Variants in DOCK5 observed in about 807,000 individuals in gnomAD.
The protein encoded by DOCK5 is dedicator of cytokinesis 5.
A neutral mutation model predicts 251.8 loss-of-function variants in DOCK5; 142 were observed. The ratio of observed to expected loss-of-function variants is 0.56; its 90% CI spans 0.49 to 0.65. The LOEUF (loss-of-function observed/expected upper bound fraction) is 0.65, where lower values mean the gene tolerates loss of function less well. DOCK5 is among the 30% of genes least tolerant of loss of function. The probability of loss-of-function intolerance (pLI) is 0.00; values close to 1 mark genes in which losing one functional copy is unlikely to be tolerated. For synonymous variants in DOCK5, 842 were observed against 835.5 expected (o/e 1.01, Z -0.13); for missense variants, 2,111 against 2,312.3 (o/e 0.91, Z 1.79).
At position 25,194,895 on chromosome 8, in the gene DOCK5, C is replaced by T. The variant is rs144880718; in HGVS notation, c.43+9944C>T. On this transcript the variant is annotated intron_variant, in intron 1 of 51. Coordinates refer to ENST00000276440, the MANE Select transcript of DOCK5 (RefSeq NM_024940.8). ...CCATTTCAATGCAAGCCTGCATTAG[C>T]GTCTGCAGGGCTACTGCAACGGTAT... is the stretch of plus-strand genomic sequence containing the variant. Among the ~76,000 whole-genome samples, 74 of 150,192 alleles carry T rather than the reference C, an allele frequency of 4.9e-4. 1 individual carries two copies. In the East Asian group the frequency reaches 0.012, roughly 25 times the overall value.
chr8:25,349,140 C>T (rs910053255), intron 26 of DOCK5, among the ~76,000 whole-genome samples: 5 of 152,014 alleles, frequency 3.3e-5, no homozygotes, highest in African/African-American at 1.2e-4. Context: ...AGGGTGGACC[C>T]CAGGTACTTG....
At chr8:25,399,386 G>A (rs7833951) in intron 45 of DOCK5, among the ~76,000 whole-genome samples, 44,483 of 152,032 alleles carry the variant, frequency 0.29, 6,611 homozygotes, top group East Asian at 0.32. Context: ...TTTTAAAATA[G>A]CACTTGGGAT....
In DOCK5 at chr8:25,184,881, G is replaced by T; in HGVS notation, c.-28G>T. 7.3e-7 allele frequency: 1 copy of T among 1,364,218 alleles called. No individual in the cohort carries two copies. Among genetic ancestry groups the T allele is most frequent in the East Asian group, 2.9e-5 (1 of 34,312 alleles). The allele number at this position is 1,364,218 out of a possible 1,614,324, so 84.5% of individuals were successfully genotyped here. On this transcript the variant is annotated 5_prime_UTR_variant, in exon 1 of 52. Transcript: ENST00000276440. ...CCGAGGAGCTGTAGCAGCCTTAGTC[G>T]CCGCCGCCGCGGGGCGAGGTCGCCG...
At chr8:25,200,187 A>G (rs1458890005) in intron 1 of DOCK5, among the ~76,000 whole-genome samples, 1 of 152,204 alleles carries the variant, frequency 6.6e-6, no homozygotes, top group Non-Finnish European at 1.5e-5. Flanking sequence ...TGAAAATTCC[A>G]ATTAAAGTTG....
rs760154065 is a variant in DOCK5 at position 25,408,096 on chromosome 8, A to G, written c.5207A>G (p.Asp1736Gly). ...ENRISKFKRK[D>G]WSLSKSQVIA... is the part of the protein sequence containing the mutation. The stretch of plus-strand genomic sequence containing the variant: ...CGGATCAGCAAGTTTAAGAGAAAAG[A>G]CTGGAGTCTGAGCAAGTCCCAGGTC... The change falls in exon 49 of 52, where the codon GAC becomes GGC. Residue 1736 changes from aspartate (D) to glycine (G), a missense_variant. Asp to Gly is a moderately conservative substitution (Grantham distance 94). Around this residue, in one of 3 missense-constraint regions of DOCK5, gnomAD observed 1,717 missense variants for 1,892.4 expected, o/e 0.91. Transcript: ENST00000276440. The G allele has an allele frequency of 1.2e-5, 19 of 1,601,824 alleles. No homozygotes were observed. In the South Asian group the frequency reaches 1.9e-4, roughly 16 times the overall value.
intron 3 of DOCK5, among the ~76,000 whole-genome samples, chr8:25,270,350 C>G (rs1190630299): frequency 6.6e-6 from 1 of 152,174 alleles, no homozygotes; most frequent in East Asian, 1.9e-4. Context: ...AGCTTTTCTT[C>G]TGGGATCCTC....
chr8:25,281,218 C>T (rs998740930), intron 5 of DOCK5, among the ~76,000 whole-genome samples: 3 of 149,974 alleles, frequency 2.0e-5, no homozygotes, highest in Non-Finnish European at 4.4e-5. Context: ...CTTGAGGTCA[C>T]GAGTTCAAAA....
intron 1 of DOCK5, among the ~76,000 whole-genome samples, chr8:25,238,908 G>T (rs1052435216): frequency 3.3e-5 from 5 of 152,094 alleles, no homozygotes; most frequent in African/African-American, 1.2e-4. Context: ...GTGTAACGAG[G>T]GCCCCAATCA....
At chr8:25,407,892 T>A in intron 48 of DOCK5, 91 bp from the exon 49 acceptor site, 74 of 1,195,116 alleles carry the variant, frequency 6.2e-5, no homozygotes, top group Non-Finnish European at 7.7e-5. Flanking sequence ...AAAAATAGCC[T>A]AAAGAGTCAT....
Position 25,399,957 on chromosome 8 carries a change from AGAAGGTT to A in DOCK5, c.4754_4760del (p.Lys1585SerfsTer3), listed in dbSNP as rs1467114086. ...TTGCAGGAGCATCCTGAAGACCAGG[AGAAGGTT>A]GAGCTGCTAAAGCGACTAATAGCAT... On this transcript the variant is annotated frameshift_variant, in exon 46 of 52. Transcript: ENST00000276440. LOFTEE classifies it high-confidence loss of function. 3.1e-6 allele frequency: 5 copies of A among 1,613,582 alleles called. No homozygotes were observed. Among genetic ancestry groups the A allele is most frequent in the Non-Finnish European group, 4.2e-6 (5 of 1,179,794 alleles).
At chr8:25,215,650 C>A (rs1488165796) in intron 1 of DOCK5, among the ~76,000 whole-genome samples, 1 of 152,092 alleles carries the variant, frequency 6.6e-6, no homozygotes, top group Non-Finnish European at 1.5e-5. Flanking sequence ...TGTGTTATTT[C>A]TATTTCCAGC....
rs771107758 is a variant in DOCK5, at chr8:25,317,146, C to T, written c.1443+15C>T. On this transcript the variant is annotated intron_variant, in intron 14 of 51. Transcript: ENST00000276440. ...AGCTCTTGGAGGTGCGCGGCATGGC[C>T]CAGAAATCCTGCTACCATCGCATCC... is the stretch of plus-strand genomic sequence containing the variant. 3 of 1,606,164 alleles carry T rather than the reference C, an allele frequency of 1.9e-6. No homozygotes were observed. Among genetic ancestry groups the T allele is most frequent in the Admixed American group, 3.4e-5 (2 of 59,636 alleles).
At chr8:25,395,806 AT>A in intron 45 of DOCK5, 87 bp downstream of exon 45, 1 of 1,377,188 alleles carries the variant, frequency 7.3e-7, no homozygotes, top group Non-Finnish European at 1.0e-6. Context: ...TGACAAATTC[AT>A]TTCCTACAGC....
chr8:25,187,100 C>G (rs536786780), intron 1 of DOCK5, among the ~76,000 whole-genome samples: 1 of 151,304 alleles, frequency 6.6e-6, no homozygotes, highest in Admixed American at 6.6e-5. Flanking sequence ...ACTGAGGAGG[C>G]TGAGGTGGGA....
At chr8:25,375,610 C>G in intron 37 of DOCK5, 1 of 864,722 alleles carries the variant, frequency 1.2e-6, no homozygotes, top group Non-Finnish European at 1.4e-6. Context: ...TTGAGCACTA[C>G]AGCAGCCTCC....
chr8:25,363,735 C>G (rs1017617001), intron 29 of DOCK5, among the ~76,000 whole-genome samples: 29 of 152,356 alleles, frequency 1.9e-4, no homozygotes, highest in African/African-American at 6.7e-4. Flanking sequence ...TACCTGTACT[C>G]CAACCAAACT....
At chr8:25,340,831 T>G (rs755124904) in intron 22 of DOCK5, 46 bp from the exon 23 acceptor site, 3 of 1,517,114 alleles carry the variant, frequency 2.0e-6, no homozygotes, top group Non-Finnish European at 2.7e-6. Context: ...TTAAAATTTC[T>G]TTTAACAATG....
In DOCK5 at chr8:25,408,854, G is replaced by A. The variant is rs551362154; in HGVS notation, c.5318G>A (p.Arg1773Gln). ...RPKSLQLMDN[R>Q]LSPFHGSSPP... The stretch of plus-strand genomic sequence containing the variant: ...AAGAGTCTCCAGTTGATGGATAATC[G>A]GCTATCACCATTTCACGGTTCTTCA... Residue 1773 changes from arginine to glutamine, a missense_variant, in exon 50 of 52, where the codon CGG becomes CAG. By Grantham distance (43) the Arg-to-Gln change is conservative. Transcript: ENST00000276440. 7 of 1,613,908 alleles carry A rather than the reference G, an allele frequency of 4.3e-6. No individual in the cohort carries two copies. Among genetic ancestry groups the A allele is most frequent in the Admixed American group, 1.7e-5 (1 of 60,010 alleles).
intron 1 of DOCK5, among the ~76,000 whole-genome samples, chr8:25,200,069 A>G (rs1427382741): frequency 6.6e-6 from 1 of 152,248 alleles, no homozygotes; most frequent in Non-Finnish European, 1.5e-5. Context: ...TATACATTTG[A>G]TGTCTTTTAT....
Sources: gnomAD v4.1 joint callset for allele counts (sites outside exome capture counted in the v4.1 genomes callset) on GRCh38, gnomAD v4.1.1 for gene constraint, gnomAD v4.1.1 regional missense constraint, MANE v1.5 for transcripts, NCBI Gene and HGNC (gene_info 2026-07-23, HGNC 2026-07-21) for gene names.